RUNX1: variants seen among roughly 807,000 people sequenced by gnomAD.
RUNX1 encodes the protein RUNX family transcription factor 1.
RUNX1 carries 19 observed loss-of-function variants against 42.8 expected under a neutral mutation model. That is an observed-to-expected ratio of 0.44 (90% CI 0.31 to 0.65). The LOEUF (loss-of-function observed/expected upper bound fraction) is 0.65. Among genes scored for constraint, RUNX1 ranks in the 30% least tolerant of loss-of-function variants. RUNX1 has a pLI of 0.07. For synonymous variants in RUNX1, 271 were observed against 289.4 expected (o/e 0.94, Z 0.64); for missense variants, 528 against 672.0 (o/e 0.79, Z 2.37).
rs536333055 is a variant in RUNX1, at chr21:34,941,183, C to G, written c.59-48220G>C. Reference sequence around the variant, plus strand: ...CGATTGTGACAACCCTGTGTTCCCTCTAATGTCCAGGAGTCCCTCTGGCTC... The same window carrying G: ...CGATTGTGACAACCCTGTGTTCCCTGTAATGTCCAGGAGTCCCTCTGGCTC... On this transcript the variant is annotated intron_variant, in intron 2 of 8. Transcript: ENST00000675419. Among the ~76,000 whole-genome samples the G allele has an allele frequency of 4.6e-5, 7 of 152,340 alleles. No individual in the cohort carries two copies. In the East Asian group the frequency reaches 9.6e-4, roughly 21 times the overall value.
chr21:34,799,272 T>A, intron 8 of RUNX1, 29 bp downstream of exon 8: 5 of 1,613,808 alleles, frequency 3.1e-6, no homozygotes, highest in Non-Finnish European at 4.2e-6. Context: ...CCAGCTCAGC[T>A]GCAAAGAATG....
chr21:34,849,852 A>C (rs1437558201), intron 6 of RUNX1, among the ~76,000 whole-genome samples: 1 of 151,670 alleles, frequency 6.6e-6, no homozygotes, highest in Non-Finnish European at 1.5e-5. Context: ...TATCAGCTCA[A>C]ATGAATTTAA....
intron 2 of RUNX1, among the ~76,000 whole-genome samples, chr21:35,001,145 C>G (rs1400099154): frequency 1.3e-5 from 2 of 152,034 alleles, no homozygotes; most frequent in Non-Finnish European, 2.9e-5. Context: ...TTTACCGTCT[C>G]TATAATTTTT....
chr21:34,861,088 ACT>A (rs2146245855), intron 5 of RUNX1, among the ~76,000 whole-genome samples: 1 of 151,958 alleles, frequency 6.6e-6, no homozygotes, highest in East Asian at 1.9e-4. Context: ...ATGCCAGGAG[ACT>A]CTGCCTCCAA....
chr21:34,796,921 G>GAGTCC (rs2056537002), intron 8 of RUNX1, among the ~76,000 whole-genome samples: 1 of 152,244 alleles, frequency 6.6e-6, no homozygotes, highest in Admixed American at 6.5e-5. Context: ...AGCGCAGAAG[G>GAGTCC]AAGCCCAGGT....
At chr21:34,928,668 C>A (rs1292573598) in intron 2 of RUNX1, among the ~76,000 whole-genome samples, 1 of 145,592 alleles carries the variant, frequency 6.9e-6, no homozygotes, top group Admixed American at 6.8e-5. Flanking sequence ...CGACAGAGTG[C>A]GACTCCATCT....
At chr21:34,954,967 T>C (rs993449322) in intron 2 of RUNX1, among the ~76,000 whole-genome samples, 3 of 152,178 alleles carry the variant, frequency 2.0e-5, no homozygotes, top group African/African-American at 7.2e-5. Context: ...ATGAGAAGCA[T>C]GGGATTCGGA....
At chr21:34,972,427 C>G (rs2058770060) in intron 2 of RUNX1, among the ~76,000 whole-genome samples, 2 of 152,134 alleles carry the variant, frequency 1.3e-5, no homozygotes, top group Non-Finnish European at 2.9e-5. Flanking sequence ...ATTATCTACT[C>G]AAAGAAATGT....
chr21:34,976,326 C>CT (rs2058801794), intron 2 of RUNX1, among the ~76,000 whole-genome samples: 1 of 152,044 alleles, frequency 6.6e-6, no homozygotes, highest in African/African-American at 2.4e-5. Flanking sequence ...ATATGGGCTC[C>CT]TTTTTTCATG....
chr21:34,836,992 T>G (rs2057156315), intron 6 of RUNX1, among the ~76,000 whole-genome samples: 1 of 152,212 alleles, frequency 6.6e-6, no homozygotes, highest in Non-Finnish European at 1.5e-5. Context: ...ATTTTTTGTT[T>G]GTTTGTTTCT....
chr21:35,015,097 G>A (rs907737970), intron 2 of RUNX1, among the ~76,000 whole-genome samples: 8 of 152,188 alleles, frequency 5.3e-5, no homozygotes, highest in Non-Finnish European at 7.3e-5. Flanking sequence ...GAATAAGCGC[G>A]GAGATGCTGA....
At chr21:34,850,986 G>C (rs2057410038) in intron 6 of RUNX1, among the ~76,000 whole-genome samples, 1 of 152,156 alleles carries the variant, frequency 6.6e-6, no homozygotes, top group Non-Finnish European at 1.5e-5. Flanking sequence ...GCTGCATTCA[G>C]CCTTCCAGTG....
intron 6 of RUNX1, among the ~76,000 whole-genome samples, chr21:34,853,639 G>A (rs2057455757): frequency 6.6e-6 from 1 of 152,158 alleles, no homozygotes; most frequent in African/African-American, 2.4e-5. Context: ...TGTGAACAGT[G>A]TTGGGCAAAT....
chr21:34,873,287 C>T lies in RUNX1; in HGVS notation c.508+7270G>A, dbSNP rs117734570. ...CCTGTGATTTACCTTGGTTTGCATA[C>T]GGTGACTCAATTAGGGCCATACACC... On this transcript the variant is annotated intron_variant, in intron 5 of 8. Coordinates refer to ENST00000675419, the MANE Select transcript of RUNX1 (RefSeq NM_001754.5). Among the ~76,000 whole-genome samples the T allele has an allele frequency of 3.9e-3, 590 of 152,246 alleles. 11 individuals carry two copies. The East Asian group carries it at 0.053, about 14-fold the overall frequency.
At chr21:34,828,100 G>A (rs932401696) in intron 7 of RUNX1, among the ~76,000 whole-genome samples, 1 of 152,238 alleles carries the variant, frequency 6.6e-6, no homozygotes, top group African/African-American at 2.4e-5. Flanking sequence ...CAACGTGAGA[G>A]AGGTGAAGTT....
At chr21:34,979,198 C>T (rs2058827624) in intron 2 of RUNX1, among the ~76,000 whole-genome samples, 1 of 152,086 alleles carries the variant, frequency 6.6e-6, no homozygotes, top group Admixed American at 6.5e-5. Flanking sequence ...ACCCACAGCC[C>T]CCGGAATAAG....
At chr21:34,971,806 A>T (rs575936259) in intron 2 of RUNX1, among the ~76,000 whole-genome samples, 2 of 152,240 alleles carry the variant, frequency 1.3e-5, no homozygotes, top group African/African-American at 4.8e-5. Flanking sequence ...ATCAAACCTC[A>T]AGCACCACAT....
intron 7 of RUNX1, among the ~76,000 whole-genome samples, chr21:34,827,591 G>T (rs1396418685): frequency 6.6e-6 from 1 of 152,212 alleles, no homozygotes; most frequent in African/African-American, 2.4e-5. Flanking sequence ...CAGAGCTCTA[G>T]GAGGGTAGAA....
At chr21:34,997,502 G>A (rs190761265) in intron 2 of RUNX1, among the ~76,000 whole-genome samples, 1 of 152,340 alleles carries the variant, frequency 6.6e-6, no homozygotes, top group East Asian at 1.9e-4. Context: ...GAGGAAAGGG[G>A]AAACTCTTCC....
Sources: gnomAD v4.1 joint callset for allele counts (sites outside exome capture counted in the v4.1 genomes callset) on GRCh38, gnomAD v4.1.1 for gene constraint, MANE v1.5 for transcripts, NCBI Gene and HGNC (gene_info 2026-07-23, HGNC 2026-07-21) for gene names.